Variants in TCHH observed in about 807,000 individuals in gnomAD.
TCHH encodes trichohyalin.
A neutral mutation model predicts 6.3 loss-of-function variants in TCHH; 6 were observed. The ratio of observed to expected loss-of-function variants is 0.95; its 90% CI spans 0.52 to 1.88. TCHH has a LOEUF of 1.88. Among genes scored for constraint, TCHH ranks in the 40% most tolerant of loss-of-function variants. The pLI is 0.01. For missense variants in TCHH, 2,920 were observed against 2,449.1 expected (o/e 1.19, Z -4.06); for synonymous variants, 1,087 against 963.6 (o/e 1.13, Z -2.37).
In TCHH at chr1:152,107,909, C is replaced by T. The variant is rs765423069; in HGVS notation, c.5308G>A (p.Asp1770Asn). The stretch of plus-strand genomic sequence containing the variant: ...TGTTCCTCCTCGCGGAATTTTCTGT[C>T]GCGCTCCTGGCGGCGCAGCTGCTGT... ...EEQQLRRQER[D>N]RKFREEEQLR... Residue 1770 changes from aspartate (D) to asparagine (N), a missense_variant, in exon 3 of 3, where the codon GAC becomes AAC. Physicochemically the swap from Asp to Asn is conservative, Grantham distance 23. Transcript: ENST00000614923. 4 of 1,613,986 alleles carry T rather than the reference C, an allele frequency of 2.5e-6. No homozygotes were observed. The highest frequency in any genetic ancestry group is 3.4e-6 in the Non-Finnish European group (4 of 1,179,988).
Position 152,107,702 on chromosome 1 carries a change from G to A in TCHH, c.5515C>T (p.Gln1839Ter). The A allele has an allele frequency of 6.2e-7, 1 of 1,614,184 alleles. No homozygotes were observed. The change falls in exon 3 of 3, where the codon CAG (glutamine) becomes TAG (stop). Residue 1839 changes from glutamine to a stop codon, truncating the protein, a stop_gained. Coordinates refer to ENST00000614923, the MANE Select transcript of TCHH (RefSeq NM_007113.4). LOFTEE classifies it low-confidence loss of function (END_TRUNC). ...GCCCGGTACTGCCGGTCTCGCTCCTGCCGCAGCCTCTGCTCTTGTTCCTCA... is the reference window on the plus strand; with the variant it reads ...GCCCGGTACTGCCGGTCTCGCTCCTACCGCAGCCTCTGCTCTTGTTCCTCA... ...QLEEQEQRLR[Q>*]ERDRQYRAEE...
Position 152,111,019 on chromosome 1 carries a change from T to C in TCHH, c.2198A>G (p.Gln733Arg). The C allele has an allele frequency of 6.2e-7, 1 of 1,613,590 alleles. No homozygotes were observed. Among genetic ancestry groups the C allele is most frequent in the Non-Finnish European group, 8.5e-7 (1 of 1,180,012 alleles). ...PRKQEGQRRR[Q>R]EQEEKRRRRE... ...GCGCCGCCTCTTTTCCTCCTGCTCT[T>C]GGCGGCGCCTCTGCCCTTCCTGCTT... Residue 733 changes from glutamine to arginine, a missense_variant, in exon 3 of 3, where the codon CAA becomes CGA. Transcript: ENST00000614923.
Position 152,111,078 on chromosome 1 carries a change from G to C in TCHH, c.2139C>G (p.Asp713Glu). The change falls in exon 3 of 3, where the codon GAC becomes GAG. Residue 713 changes from aspartate to glutamate, a missense_variant. Transcript: ENST00000614923. ...KWQWQLESEA[D>E]ARQSKVYSRP... The stretch of plus-strand genomic sequence containing the variant: ...TCGAGTAGACTTTGCTTTGCCGTGC[G>C]TCGGCCTCGCTTTCTAGCTGCCACT... The C allele has an allele frequency of 6.2e-7, 1 of 1,613,462 alleles. No homozygotes were observed. Among genetic ancestry groups the C allele is most frequent in the Non-Finnish European group, 8.5e-7 (1 of 1,180,000 alleles).
Position 152,108,489 on chromosome 1 carries a change from C to A in TCHH, c.4728G>T (p.Glu1576Asp). The change falls in exon 3 of 3, where the codon GAG becomes GAT. Residue 1576 changes from glutamate (E) to aspartate (D), a missense_variant. Glu to Asp is a conservative substitution (Grantham distance 45). Transcript: ENST00000614923. ...EREEQQLSRQERDRKFRLEEQ... is the reference protein window; with the variant it reads ...EREEQQLSRQDRDRKFRLEEQ... Reference sequence around the variant, plus strand: ...CCTCTAAACGGAATTTTCTGTCACGCTCTTGGCGGCTCAGCTGCTGTTCCT... The same window carrying A: ...CCTCTAAACGGAATTTTCTGTCACGATCTTGGCGGCTCAGCTGCTGTTCCT... 1 of 1,611,984 alleles carries A rather than the reference C, an allele frequency of 6.2e-7. No homozygotes were observed.
At position 152,108,467 on chromosome 1, in the gene TCHH, C is replaced by G. The variant is rs769339550; in HGVS notation, c.4750G>C (p.Glu1584Gln). 1 of 1,613,254 alleles carries G rather than the reference C, an allele frequency of 6.2e-7. No individual in the cohort carries two copies. The highest frequency in any genetic ancestry group is 1.1e-5 in the South Asian group (1 of 90,964). ...TCCTGGCGGCGCACTTTCTGTTCCTCTAAACGGAATTTTCTGTCACGCTCT... is the reference window on the plus strand; with the variant it reads ...TCCTGGCGGCGCACTTTCTGTTCCTGTAAACGGAATTTTCTGTCACGCTCT... ...RQERDRKFRLEEQKVRRQEQE... is the reference protein window; with the variant it reads ...RQERDRKFRLQEQKVRRQEQE... Residue 1584 changes from glutamate (E) to glutamine (Q), a missense_variant, in exon 3 of 3, where the codon GAG becomes CAG. Transcript: ENST00000614923.
Position 152,112,373 on chromosome 1 carries a change from C to A in TCHH, c.844G>T (p.Glu282Ter), listed in dbSNP as rs745980819. 1.5e-5 allele frequency: 24 copies of A among 1,613,788 alleles called. No homozygotes were observed. Among genetic ancestry groups the A allele is most frequent in the Non-Finnish European group, 1.7e-6 (2 of 1,179,998 alleles). ...QEEEEQLRKLERQELRRERQE... is the reference protein window; with the variant it reads ...QEEEEQLRKL ...CGCTCCCTCCTCAGCTCTTGCCGCT[C>A]CAGCTTCCGTAGCTGCTCTTCTTCC... Residue 282 changes from glutamate (E) to a stop codon, truncating the protein, a stop_gained, in exon 3 of 3, where the codon GAG (glutamate) becomes TAG (stop). Coordinates refer to ENST00000614923, the MANE Select transcript of TCHH (RefSeq NM_007113.4). LOFTEE classifies it low-confidence loss of function (END_TRUNC).
chr1:152,108,596 G>A lies in TCHH; in HGVS notation c.4621C>T (p.Arg1541Cys). ...CGCTGTTGCCCGCGCTCCTGGCGGC[G>A]CAGCTGCTGTTCCTCCTGGAGGAAT... ...RKFLQEEQQLRRQERGQQRRQ... is the reference protein window; with the variant it reads ...RKFLQEEQQLCRQERGQQRRQ... Residue 1541 changes from arginine to cysteine, a missense_variant, in exon 3 of 3, where the codon CGC becomes TGC. Physicochemically the swap from Arg to Cys is radical, Grantham distance 180. Coordinates refer to ENST00000614923, the MANE Select transcript of TCHH (RefSeq NM_007113.4). The A allele has an allele frequency of 1.9e-6, 3 of 1,600,590 alleles. No individual in the cohort carries two copies. Among genetic ancestry groups the A allele is most frequent in the Non-Finnish European group, 8.5e-7 (1 of 1,174,778 alleles).
In TCHH at chr1:152,108,774, T is replaced by C. The variant is rs149198330; in HGVS notation, c.4443A>G (p.Gln1481=). The change falls in exon 3 of 3, where the codon CAA becomes CAG. Residue 1481 remains glutamine, a synonymous_variant. Transcript: ENST00000614923. ...CCTCCAGGAATTTTCTGTCACGCTC[T>C]TGGCGGTGCAGCTGCTGTTCTTCCC... ...QEREEQQLHR[Q]ERDRKFLEEE... The C allele has an allele frequency of 1.7e-5, 28 of 1,611,128 alleles. No individual in the cohort carries two copies. The African/African-American group carries it at 3.0e-4, about 17-fold the overall frequency.
Position 152,111,636 on chromosome 1 carries a change from C to T in TCHH, c.1581G>A (p.Arg527=), listed in dbSNP as rs1658358162. Residue 527 remains arginine (R), a synonymous_variant, in exon 3 of 3, where the codon AGG becomes AGA. Coordinates refer to ENST00000614923, the MANE Select transcript of TCHH (RefSeq NM_007113.4). The part of the protein sequence containing the change: ...QRLKRQEEEE[R]LQQRLRSEQQ... ...GCTCGCTCCTCAACCGCTGCTGGAG[C>T]CTCTCTTCCTCCTCCTGGCGCTTCA... 1 of 1,607,136 alleles carries T rather than the reference C, an allele frequency of 6.2e-7. No homozygotes were observed. Among genetic ancestry groups the T allele is most frequent in the Non-Finnish European group, 8.5e-7 (1 of 1,177,734 alleles).
chr1:152,109,388 G>A lies in TCHH; in HGVS notation c.3829C>T (p.Arg1277Ter). The A allele has an allele frequency of 1.9e-6, 3 of 1,614,182 alleles. No homozygotes were observed. In the South Asian group the frequency reaches 3.3e-5, roughly 18 times the overall value. ...LQHLLGEQQERDREQERRRWQ... is the reference protein window; with the variant it reads ...LQHLLGEQQE ...CGCCTCCTCTCTTGCTCACGATCTC[G>A]CTCTTGCTGTTCACCCAGCAGGTGC... is the stretch of plus-strand genomic sequence containing the variant. The change falls in exon 3 of 3, where the codon CGA becomes TGA. Residue 1277 changes from arginine (R) to a stop codon, truncating the protein, a stop_gained. Transcript: ENST00000614923. LOFTEE classifies it low-confidence loss of function (END_TRUNC).
At position 152,109,355 on chromosome 1, in the gene TCHH, G is replaced by A. The variant is rs757316040; in HGVS notation, c.3862C>T (p.Gln1288Ter). Residue 1288 changes from glutamine (Q) to a stop codon, truncating the protein, a stop_gained, in exon 3 of 3, where the codon CAG becomes TAG. Transcript: ENST00000614923. LOFTEE classifies it low-confidence loss of function (END_TRUNC). ...TCCTCTGGGAAATGCCTGTCGCGCT[G>A]CTGCCAGCGCCTCCTCTCTTGCTCA... Reference protein sequence around the residue: ...DREQERRRWQQRDRHFPEEEQ... With the variant: ...DREQERRRWQ The A allele has an allele frequency of 2.0e-5, 33 of 1,614,092 alleles. No individual in the cohort carries two copies. The highest frequency in any genetic ancestry group is 2.5e-5 in the Non-Finnish European group (30 of 1,180,048).
Position 152,109,796 on chromosome 1 carries a change from G to A in TCHH, c.3421C>T (p.Arg1141Trp), listed in dbSNP as rs1237823446. The change falls in exon 3 of 3, where the codon CGG becomes TGG. Residue 1141 changes from arginine (R) to tryptophan (W), a missense_variant. By Grantham distance (101) the Arg-to-Trp change is moderately radical. Coordinates refer to ENST00000614923, the MANE Select transcript of TCHH (RefSeq NM_007113.4). ...RRRQELERQYREEEEVQQEEE... is the reference protein window; with the variant it reads ...RRRQELERQYWEEEEVQQEEE... ...TCCTGCTGCACCTCCTCTTCCTCCCGATATTGCCTCTCCAGCTCCTGGCGC... is the reference window on the plus strand; with the variant it reads ...TCCTGCTGCACCTCCTCTTCCTCCCAATATTGCCTCTCCAGCTCCTGGCGC... The A allele has an allele frequency of 3.8e-6, 6 of 1,576,554 alleles. No homozygotes were observed. The highest frequency in any genetic ancestry group is 1.7e-4 in the Middle Eastern group (1 of 5,844).
At position 152,108,149 on chromosome 1, in the gene TCHH, C is replaced by T. The variant is rs1658172722; in HGVS notation, c.5068G>A (p.Asp1690Asn). ...TGTTCCTCTTCGCGGAATTTTCTGT[C>T]ACGCTCTTGGCGGCGCAGCTGCTGT... ...EEQQLRRQER[D>N]RKFREEEQQL... The change falls in exon 3 of 3, where the codon GAC (aspartate) becomes AAC (asparagine). Residue 1690 changes from aspartate (D) to asparagine (N), a missense_variant. Transcript: ENST00000614923. 1 of 1,612,670 alleles carries T rather than the reference C, an allele frequency of 6.2e-7. No homozygotes were observed. Among genetic ancestry groups the T allele is most frequent in the East Asian group, 2.2e-5 (1 of 44,688 alleles).
rs748336642 is a variant in TCHH at position 152,108,296 on chromosome 1, G to T, written c.4921C>A (p.Arg1641Ser). The change falls in exon 3 of 3, where the codon CGT (arginine) becomes AGT (serine). Residue 1641 changes from arginine to serine, a missense_variant. Coordinates refer to ENST00000614923, the MANE Select transcript of TCHH (RefSeq NM_007113.4). ...REEQQLHRQE[R>S]DRKFLEEEPQ... ...TCCTCCTCGAGGAATTTTCTGTCAC[G>T]CTCTTGGCGGTGCAGCTGCTGTTCT... is the stretch of plus-strand genomic sequence containing the variant. 6.2e-7 allele frequency: 1 copy of T among 1,612,838 alleles called. No individual in the cohort carries two copies.
In TCHH at chr1:152,112,572, C is replaced by T. The variant is rs764842618; in HGVS notation, c.645G>A (p.Leu215=). The part of the protein sequence containing the change: ...PDEEQLRRRE[L]LELRRKGREE... Reference sequence around the variant, plus strand: ...CGCGGCCCTTCCTCCTCAGCTCCAGCAGCTCCCGCCTTCGCAGTTGCTCTT... The same window carrying T: ...CGCGGCCCTTCCTCCTCAGCTCCAGTAGCTCCCGCCTTCGCAGTTGCTCTT... Residue 215 remains leucine (L), a synonymous_variant, in exon 3 of 3, where the codon CTG becomes CTA. Coordinates refer to ENST00000614923, the MANE Select transcript of TCHH (RefSeq NM_007113.4). 4 of 1,613,510 alleles carry T rather than the reference C, an allele frequency of 2.5e-6. No individual in the cohort carries two copies. The highest frequency in any genetic ancestry group is 2.7e-5 in the African/African-American group (2 of 74,872).
At position 152,111,778 on chromosome 1, in the gene TCHH, T is replaced by C; in HGVS notation, c.1439A>G (p.Gln480Arg). 4 of 1,588,816 alleles carry C rather than the reference T, an allele frequency of 2.5e-6. No individual in the cohort carries two copies. The highest frequency in any genetic ancestry group is 8.6e-7 in the Non-Finnish European group (1 of 1,168,512). ...CCAACGTTCGCGCCTCTCCTCCTCC[T>C]GGTCGCGCTTCAGCTGCTGCTTGCG... ...ERRKQQLKRD[Q>R]EEERRERWLK... is the part of the protein sequence containing the mutation. Residue 480 changes from glutamine to arginine, a missense_variant, in exon 3 of 3, where the codon CAG (glutamine) becomes CGG (arginine). Coordinates refer to ENST00000614923, the MANE Select transcript of TCHH (RefSeq NM_007113.4).
Position 152,112,612 on chromosome 1 carries a change from TCA to T in TCHH, c.603_604del (p.Glu202GlyfsTer475). The T allele has an allele frequency of 6.2e-7, 1 of 1,613,628 alleles. No individual in the cohort carries two copies. On this transcript the variant is annotated frameshift_variant, in exon 3 of 3. Coordinates refer to ENST00000614923, the MANE Select transcript of TCHH (RefSeq NM_007113.4). LOFTEE classifies it low-confidence loss of function (END_TRUNC). ...CAGTTGCTCTTCGTCTGGAAACTCCTCAGTTTCGTGACCTTTGCAACTCTGCA... is the reference window on the plus strand; with the variant it reads ...CAGTTGCTCTTCGTCTGGAAACTCCTGTTTCGTGACCTTTGCAACTCTGCA...
chr1:152,107,278 A>T lies in TCHH; in HGVS notation c.*107T>A. The T allele has an allele frequency of 8.6e-7, 1 of 1,167,978 alleles. No homozygotes were observed. Among genetic ancestry groups the T allele is most frequent in the Non-Finnish European group, 1.2e-6 (1 of 836,842 alleles). The allele number at this position is 1,167,978 out of a possible 1,614,324, so 72.4% of individuals were successfully genotyped here. ...GGAAGAAAAGACATTCTAATATCAG[A>T]GAGTTTTCCCACAACCAGAAACATC... is the stretch of plus-strand genomic sequence containing the variant. On this transcript the variant is annotated 3_prime_UTR_variant, in exon 3 of 3. Coordinates refer to ENST00000614923, the MANE Select transcript of TCHH (RefSeq NM_007113.4).
rs1222957259 is a variant in TCHH, at chr1:152,111,967, T to C, written c.1250A>G (p.Gln417Arg). 6.4e-7 allele frequency: 1 copy of C among 1,561,586 alleles called. No individual in the cohort carries two copies. The highest frequency in any genetic ancestry group is 1.5e-5 in the African/African-American group (1 of 64,666). Residue 417 changes from glutamine (Q) to arginine (R), a missense_variant, in exon 3 of 3, where the codon CAG becomes CGG. Gln to Arg is a conservative substitution (Grantham distance 43). Coordinates refer to ENST00000614923, the MANE Select transcript of TCHH (RefSeq NM_007113.4). ...CAGCTGCTGCTCGCGCCTCAGCTGC[T>C]GCTCGCGCCTCAGCTGCTGCTCGCG... ...LRREQQLRRE[Q>R]QLRREQQLRR...
Sources: gnomAD v4.1 joint callset for allele counts on GRCh38, gnomAD v4.1.1 for gene constraint, MANE v1.5 for transcripts, NCBI Gene and HGNC (gene_info 2026-07-23, HGNC 2026-07-21) for gene names.